Variants in NINL observed in about 807,000 individuals in gnomAD.
NINL encodes the protein ninein-like protein.
NINL carries 153 observed loss-of-function variants against 160.3 expected under a neutral mutation model. The observed-to-expected ratio is 0.95, with a 90% confidence interval of 0.84 to 1.09. The LOEUF (loss-of-function observed/expected upper bound fraction) is 1.09, where lower values mean the gene tolerates loss of function less well. Ranked by LOEUF, NINL falls within the 50% of genes least tolerant of loss-of-function variation. The probability of loss-of-function intolerance (pLI) is 0.00; values close to 1 mark genes in which losing one functional copy is unlikely to be tolerated. For synonymous variants in NINL, 800 were observed against 734.8 expected (o/e 1.09, Z -1.43); for missense variants, 1,829 against 1,764.0 (o/e 1.04, Z -0.66).
chr20:25,526,693 A>G, intron 1 of NINL, 95 bp from the exon 2 acceptor site: 3 of 1,300,560 alleles, frequency 2.3e-6, no homozygotes, highest in Non-Finnish European at 3.2e-6. Context: ...TACATGGTCC[A>G]AGCAGACGCA....
intron 1 of NINL, among the ~76,000 whole-genome samples, chr20:25,552,802 GC>G (rs1263801412): frequency 6.6e-6 from 1 of 152,260 alleles, no homozygotes; most frequent in South Asian, 2.1e-4. Context: ...ATTCAGAGTA[GC>G]TCCAGGTGGC....
chr20:25,477,660 T>A (rs775653586), intron 16 of NINL, among the ~76,000 whole-genome samples: 1 of 152,114 alleles, frequency 6.6e-6, no homozygotes, highest in African/African-American at 2.4e-5. Flanking sequence ...AAGGAAGTGG[T>A]TGGAGGGCCT....
chr20:25,479,498 G>A (rs573180063), intron 15 of NINL, among the ~76,000 whole-genome samples: 53 of 152,308 alleles, frequency 3.5e-4, no homozygotes, highest in African/African-American at 1.2e-3. Flanking sequence ...GGACGCAGAG[G>A]GTGGAATCTT....
intron 1 of NINL, among the ~76,000 whole-genome samples, chr20:25,527,436 AACC>A (rs1407153505): frequency 1.3e-5 from 2 of 152,148 alleles, no homozygotes; most frequent in Non-Finnish European, 2.9e-5. Context: ...TACAGGTGTG[AACC>A]ACCGCACGCA....
At chr20:25,517,897 A>C in intron 2 of NINL, 48 bp from the exon 3 acceptor site, 216 of 1,237,610 alleles carry the variant, frequency 1.7e-4, no homozygotes, top group Non-Finnish European at 2.2e-4. Context: ...TCAACAGATC[A>C]CACAATTCAA....
chr20:25,479,454 G>C (rs2063340708), intron 15 of NINL, among the ~76,000 whole-genome samples: 1 of 152,182 alleles, frequency 6.6e-6, no homozygotes, highest in Non-Finnish European at 1.5e-5. Flanking sequence ...AGGAAGCTCG[G>C]GGCTCACTGG....
intron 1 of NINL, among the ~76,000 whole-genome samples, chr20:25,535,671 C>T (rs768206834): frequency 4.0e-5 from 6 of 151,852 alleles, no homozygotes. Flanking sequence ...TTTTTACCAC[C>T]ATTAAATTTA....
intron 1 of NINL, among the ~76,000 whole-genome samples, chr20:25,530,607 T>C (rs933474796): frequency 2.0e-5 from 3 of 151,864 alleles, no homozygotes; most frequent in Non-Finnish European, 4.4e-5. Context: ...GTTTGAGAAA[T>C]AAAGGGACAG....
chr20:25,513,269 C>T (rs2064107502), intron 3 of NINL, among the ~76,000 whole-genome samples: 1 of 152,198 alleles, frequency 6.6e-6, no homozygotes, highest in Non-Finnish European at 1.5e-5. Flanking sequence ...TACACTTTTT[C>T]AAGCATATTT....
At chr20:25,564,870 C>T (rs1231889076) in intron 1 of NINL, among the ~76,000 whole-genome samples, 1 of 150,366 alleles carries the variant, frequency 6.7e-6, no homozygotes, top group African/African-American at 2.4e-5. Context: ...GGTCACAAGA[C>T]AAACTCCTAC....
At chr20:25,488,778 T>C (rs915959117) in intron 13 of NINL, among the ~76,000 whole-genome samples, 2 of 152,156 alleles carry the variant, frequency 1.3e-5, no homozygotes, top group African/African-American at 2.4e-5. Flanking sequence ...AATAAATTAA[T>C]AAATTTAAAA....
chr20:25,496,517 G>A (rs1379051257), intron 10 of NINL, 146 bp downstream of exon 10: 2 of 957,910 alleles, frequency 2.1e-6, no homozygotes, highest in African/African-American at 3.3e-5. Flanking sequence ...GTGCCCCCTG[G>A]ATTCCCCCTG....
chr20:25,533,021 T>A (rs1360781762), intron 1 of NINL, among the ~76,000 whole-genome samples: 19 of 152,098 alleles, frequency 1.2e-4, no homozygotes, highest in Non-Finnish European at 1.5e-5. Flanking sequence ...GCGGCCCGGC[T>A]CAGCCACATA....
Position 25,510,705 on chromosome 20 carries a change from T to G in NINL, c.486A>C (p.Lys162Asn). The G allele has an allele frequency of 6.2e-7, 1 of 1,613,992 alleles. No homozygotes were observed. Among genetic ancestry groups the G allele is most frequent in the Non-Finnish European group, 8.5e-7 (1 of 1,179,986 alleles). ...CTTCAAATAATTCATTCTGAGCTTC[T>G]TTAGTGCTCTCGGCCTCTTCATCTG... ...PKSDEEAEST[K>N]EAQNELFEAQ... The change falls in exon 5 of 24, where the codon AAA (lysine) becomes AAC (asparagine). Residue 162 changes from lysine to asparagine, a missense_variant. Lys to Asn is a moderately conservative substitution (Grantham distance 94, BLOSUM62 0). Transcript: ENST00000278886.
chr20:25,575,994 A>G (rs2147189924), intron 1 of NINL, among the ~76,000 whole-genome samples: 1 of 152,304 alleles, frequency 6.6e-6, no homozygotes, highest in African/African-American at 2.4e-5. Context: ...TTCAAAATGT[A>G]TTCACTAAGC....
intron 1 of NINL, among the ~76,000 whole-genome samples, chr20:25,536,265 CT>C (rs1334152523): frequency 5.9e-5 from 9 of 152,232 alleles, no homozygotes; most frequent in African/African-American, 1.7e-4. Flanking sequence ...AGACGAGAGG[CT>C]TTGGTGTAGG....
intron 13 of NINL, among the ~76,000 whole-genome samples, chr20:25,483,238 G>C (rs1233804023): frequency 6.6e-6 from 1 of 151,960 alleles, no homozygotes; most frequent in Non-Finnish European, 1.5e-5. Context: ...GGAGGCTGAG[G>C]CAGGAGAATC....
intron 1 of NINL, among the ~76,000 whole-genome samples, chr20:25,570,487 C>A (rs1468507334): frequency 6.6e-6 from 1 of 152,124 alleles, no homozygotes. Flanking sequence ...CGCCTTCCGC[C>A]ATGATTGGAA....
At chr20:25,521,230 T>C (rs1023063658) in intron 2 of NINL, among the ~76,000 whole-genome samples, 4 of 152,274 alleles carry the variant, frequency 2.6e-5, no homozygotes, top group African/African-American at 4.8e-5. Flanking sequence ...TAAATGCTTC[T>C]ATTTAGTTTT....
Sources: allele counts gnomAD v4.1 joint callset (sites outside exome capture counted in the v4.1 genomes callset), GRCh38; gene constraint gnomAD v4.1.1; transcripts MANE v1.5; gene names NCBI Gene and HGNC (gene_info 2026-07-23, HGNC 2026-07-21).